The following LTBP4 variants were observed in gnomAD, a reference collection of about 807,000 sequenced individuals.
LTBP4 encodes latent-transforming growth factor beta-binding protein 4.
A neutral mutation model predicts 180.2 loss-of-function variants in LTBP4; 93 were observed. The observed-to-expected ratio is 0.52, with a 90% CI of 0.44 to 0.61. LTBP4 has a LOEUF of 0.61. Among genes scored for constraint, LTBP4 ranks in the 20% least tolerant of loss-of-function variants. The pLI is 0.00. For synonymous variants in LTBP4, 947 were observed against 934.5 expected, an observed-to-expected ratio of 1.01 and a Z score of -0.24; for missense variants, 2,116 against 2,256.5, an observed-to-expected ratio of 0.94 and a Z score of 1.26.
rs541431704 is a variant in LTBP4 at position 40,626,907 on chromosome 19, G to A, written c.3986-68G>A. Reference sequence around the variant, plus strand: ...CCAGTCCTCTGCCTCCTCTCCCAAGGGGGGTATGTGAGTGGTGGGTGTGGG... The same window carrying A: ...CCAGTCCTCTGCCTCCTCTCCCAAGAGGGGTATGTGAGTGGTGGGTGTGGG... On this transcript the variant is annotated intron_variant, in intron 27 of 29. Transcript: ENST00000396819. 10 of 1,474,596 alleles carry A rather than the reference G, an allele frequency of 6.8e-6. No homozygotes were observed. The Admixed American group carries it at 2.4e-4, about 35-fold the overall frequency. The allele number at this position is 1,474,596 out of a possible 1,614,324, so 91.3% of individuals were successfully genotyped here.
chr19:40,607,927 C>CTA (rs1355113524), intron 7 of LTBP4, among the ~76,000 whole-genome samples: 1 of 152,214 alleles, frequency 6.6e-6, no homozygotes, highest in Non-Finnish European at 1.5e-5. Flanking sequence ...AAAACTAAAT[C>CTA]TCACAAGGGA....
Position 40,605,132 on chromosome 19 carries a change from C to CT in LTBP4, c.349dup (p.Ser117PhefsTer67), listed in dbSNP as rs1361568839. Reference sequence around the variant, plus strand: ...TCGCTGGCAAGTTCTGCCAGTTGCACTCCTCGGGCGCCCGGCCCCCGGCCC... The same window carrying CT: ...TCGCTGGCAAGTTCTGCCAGTTGCACTTCCTCGGGCGCCCGGCCCCCGGCCC... On this transcript the variant is annotated frameshift_variant, in exon 2 of 30. Transcript: ENST00000396819. LOFTEE classifies it high-confidence loss of function. The surrounding 1 kb of genome is among the most constrained non-coding windows in gnomAD (Gnocchi z 5.5). 1 of 1,613,720 alleles carries CT rather than the reference C, an allele frequency of 6.2e-7. No individual in the cohort carries two copies. Among genetic ancestry groups the CT allele is most frequent in the Non-Finnish European group, 8.5e-7 (1 of 1,179,812 alleles).
intron 21 of LTBP4, among the ~76,000 whole-genome samples, chr19:40,619,088 C>A (rs28454390): frequency 9.2e-5 from 14 of 151,778 alleles, no homozygotes; most frequent in African/African-American, 3.1e-4. Context: ...AGAGAAATGC[C>A]GTCATCTGTT....
chr19:40,605,476 C>T lies in LTBP4; in HGVS notation c.514C>T (p.Arg172Cys). ...EASVVVHQVERVSGPWEEADA... is the reference protein window; with the variant it reads ...EASVVVHQVECVSGPWEEADA... ...GTCGGTGGTGGTGCACCAGGTGGAG[C>T]GTGTGTCTGGCCCTTGGGAGGAGGC... is the stretch of plus-strand genomic sequence containing the variant. The change falls in exon 3 of 30, where the codon CGT becomes TGT. Residue 172 changes from arginine to cysteine, a missense_variant. Physicochemically the swap from Arg to Cys is radical, Grantham distance 180. Around this residue, in one of 5 missense-constraint regions of LTBP4, gnomAD observed 469 missense variants for 532.5 expected, o/e 0.88. Coordinates refer to ENST00000396819, the MANE Select transcript of LTBP4 (RefSeq NM_001042545.2). The surrounding 1 kb of genome is among the most constrained non-coding windows in gnomAD (Gnocchi z 5.5). 6.2e-7 allele frequency: 1 copy of T among 1,612,262 alleles called. No homozygotes were observed.
At chr19:40,595,067 G>C (rs1053999071) in intron 1 of LTBP4, among the ~76,000 whole-genome samples, 2 of 152,104 alleles carry the variant, frequency 1.3e-5, no homozygotes, top group Non-Finnish European at 2.9e-5. Context: ...CTACAGAACT[G>C]GGAAGCTTAA....
rs960259485 is a variant in LTBP4, at chr19:40,605,286, G to C, written c.442+60G>C. 113 of 1,557,824 alleles carry C rather than the reference G, an allele frequency of 7.3e-5. No homozygotes were observed. The highest frequency in any genetic ancestry group is 3.0e-5 in the Non-Finnish European group (35 of 1,150,070). Reference sequence around the variant, plus strand: ...CTGTCAAGCATTTCACTTTGCCCCTGACCCTCATATTTCCCGCCTTCCCGA... The same window carrying C: ...CTGTCAAGCATTTCACTTTGCCCCTCACCCTCATATTTCCCGCCTTCCCGA... On this transcript the variant is annotated intron_variant, in intron 2 of 29. Coordinates refer to ENST00000396819, the MANE Select transcript of LTBP4 (RefSeq NM_001042545.2). This position sits in a 1 kb window ranked among gnomAD's most constrained non-coding sequence, Gnocchi z 5.5.
chr19:40,619,612 C>T (rs1208244929), intron 22 of LTBP4, 119 bp downstream of exon 22: 1 of 1,123,278 alleles, frequency 8.9e-7, no homozygotes, highest in African/African-American at 1.6e-5. Context: ...TAAACATCAA[C>T]AAAAGACACA....
At chr19:40,607,737 G>T (rs1048692881) in intron 7 of LTBP4, among the ~76,000 whole-genome samples, 2 of 152,112 alleles carry the variant, frequency 1.3e-5, no homozygotes, top group Admixed American at 1.3e-4. Context: ...CCCTCCATTC[G>T]TAGCCACAGC....
chr19:40,625,067 C>T (rs1378461766), intron 26 of LTBP4, among the ~76,000 whole-genome samples: 2 of 150,116 alleles, frequency 1.3e-5, no homozygotes, highest in South Asian at 4.2e-4. Flanking sequence ...CTTGAACACT[C>T]TACTTGTCGT....
chr19:40,625,070 C>T (rs1005114766), intron 26 of LTBP4, among the ~76,000 whole-genome samples: 1 of 149,964 alleles, frequency 6.7e-6, no homozygotes, highest in Non-Finnish European at 1.5e-5. Context: ...GAACACTCTA[C>T]TTGTCGTTGT....
chr19:40,628,043 G>A (rs2081650531), intron 29 of LTBP4, among the ~76,000 whole-genome samples, 186 bp downstream of exon 29: 1 of 152,234 alleles, frequency 6.6e-6, no homozygotes, highest in Admixed American at 6.5e-5. Context: ...GCGGAGTCAG[G>A]GTGCCAGCAG....
intron 27 of LTBP4, among the ~76,000 whole-genome samples, chr19:40,626,735 A>C (rs533523644): frequency 6.6e-6 from 1 of 152,084 alleles, no homozygotes; most frequent in East Asian, 1.9e-4. Flanking sequence ...CCTAGCTCCC[A>C]TGGGTCGCTC....
At chr19:40,617,435 G>A (rs548969405) in intron 21 of LTBP4, among the ~76,000 whole-genome samples, 1 of 152,164 alleles carries the variant, frequency 6.6e-6, no homozygotes, top group Admixed American at 6.5e-5. Flanking sequence ...CTTGAAGTCA[G>A]GAGTTTGAAA....
chr19:40,613,077 G>T lies in LTBP4; in HGVS notation c.2312G>T (p.Cys771Phe), dbSNP rs763918488. The change falls in exon 16 of 30, where the codon TGC becomes TTC. Residue 771 changes from cysteine (C) to phenylalanine (F), a missense_variant. By Grantham distance (205) the Cys-to-Phe change is radical. Around this residue, in one of 5 missense-constraint regions of LTBP4, gnomAD observed 877 missense variants for 873.6 expected, o/e 1.00. Coordinates refer to ENST00000396819, the MANE Select transcript of LTBP4 (RefSeq NM_001042545.2). This position sits in a 1 kb window ranked among gnomAD's most constrained non-coding sequence, Gnocchi z 5.0. ...HRGRCTDVDE[C>F]SSGAPPCGPH... is the part of the protein sequence containing the mutation. Reference sequence around the variant, plus strand: ...CCACCCCCCACAGATGTGGACGAATGCAGTTCGGGTGCCCCTCCCTGTGGT... The same window carrying T: ...CCACCCCCCACAGATGTGGACGAATTCAGTTCGGGTGCCCCTCCCTGTGGT... 56 of 1,612,036 alleles carry T rather than the reference G, an allele frequency of 3.5e-5. No individual in the cohort carries two copies. The highest frequency in any genetic ancestry group is 4.6e-5 in the Non-Finnish European group (54 of 1,179,088).
rs763386822 is a variant in LTBP4, at chr19:40,627,020, G to T, written c.4031G>T (p.Ser1344Ile). The part of the protein sequence containing the change: ...LCNVLRPPAY[S>I]PPRPGGFGLP... The stretch of plus-strand genomic sequence containing the variant: ...AATGTGCTACGCCCCCCCGCATATA[G>T]CCCCCCGCGACCAGGTGGCTTTGGA... Residue 1344 changes from serine to isoleucine, a missense_variant, in exon 28 of 30, where the codon AGC becomes ATC. Coordinates refer to ENST00000396819, the MANE Select transcript of LTBP4 (RefSeq NM_001042545.2). The T allele has an allele frequency of 7.5e-6, 12 of 1,599,388 alleles. No individual in the cohort carries two copies. Among genetic ancestry groups the T allele is most frequent in the Non-Finnish European group, 1.0e-5 (12 of 1,170,674 alleles).
chr19:40,610,719 A>G (rs2081499934), intron 12 of LTBP4, 62 bp downstream of exon 12: 2 of 1,513,210 alleles, frequency 1.3e-6, no homozygotes, highest in Non-Finnish European at 8.8e-7. Flanking sequence ...CGCAGTGATG[A>G]GGGCCAGAGA....
chr19:40,624,916 C>T (rs911922394), intron 26 of LTBP4, among the ~76,000 whole-genome samples: 5 of 151,702 alleles, frequency 3.3e-5, no homozygotes, highest in African/African-American at 1.2e-4. Context: ...TCTCCTGCCT[C>T]TGTATCTTTG....
chr19:40,601,235 A>T, upstream of LTBP4: 1 of 471,318 alleles, frequency 2.1e-6, no homozygotes, highest in Non-Finnish European at 2.7e-6. Flanking sequence ...GCCCAGCCCC[A>T]CGCGCCCCCG....
At chr19:40,595,051 C>A (rs949464530) in intron 1 of LTBP4, among the ~76,000 whole-genome samples, 3 of 151,976 alleles carry the variant, frequency 2.0e-5, no homozygotes, top group Non-Finnish European at 4.4e-5. Context: ...GGGGGCGGGG[C>A]TAACGCTACA....
Sources: allele counts gnomAD v4.1 joint callset (sites outside exome capture counted in the v4.1 genomes callset), GRCh38; gene constraint gnomAD v4.1.1; regional missense constraint gnomAD v4.1.1; non-coding constraint Gnocchi (gnomAD v3.1); transcripts MANE v1.5; gene names NCBI Gene and HGNC (gene_info 2026-07-23, HGNC 2026-07-21).